The following ERAP2 variants were observed in gnomAD, a reference collection of about 807,000 sequenced individuals.
The protein encoded by ERAP2 is leukocyte-derived arginine aminopeptidase.
Under a neutral mutation model 111.1 loss-of-function variants are expected in ERAP2, and 118 were observed. The ratio of observed to expected loss-of-function variants is 1.06; its 90% CI spans 0.92 to 1.24. The LOEUF (loss-of-function observed/expected upper bound fraction) is 1.24. ERAP2 is among the 50% of genes most tolerant of loss of function. ERAP2 has a pLI of 0.00. For synonymous variants in ERAP2, 410 were observed against 401.2 expected, an observed-to-expected ratio of 1.02 and a Z score of -0.26; for missense variants, 1,131 against 1,125.8, an observed-to-expected ratio of 1.00 and a Z score of -0.07.
chr5:96,900,020 C>T, intron 9 of ERAP2, 101 bp from the exon 10 acceptor site: 1 of 1,339,274 alleles, frequency 7.5e-7, no homozygotes, highest in Non-Finnish European at 1.0e-6. Context: ...TGAATTATTT[C>T]ATATAGCTCT....
At chr5:96,897,999 C>A (rs1415411181) in intron 9 of ERAP2, among the ~76,000 whole-genome samples, 3 of 152,146 alleles carry the variant, frequency 2.0e-5, no homozygotes, top group Non-Finnish European at 2.9e-5. Flanking sequence ...GAGTTTGAGA[C>A]CAGCCTGGCC....
At chr5:96,902,522 G>T in intron 12 of ERAP2, 169 bp downstream of exon 12, 8 of 514,912 alleles carry the variant, frequency 1.6e-5, no homozygotes, top group East Asian at 6.3e-5. Context: ...AAGAAAATCT[G>T]GATTTTTCAT....
intron 7 of ERAP2, 92 bp downstream of exon 7, chr5:96,895,451 A>G (rs1397651897): frequency 2.2e-6 from 2 of 917,526 alleles, no homozygotes; most frequent in Non-Finnish European, 3.4e-6. Context: ...CAGAAAAACT[A>G]CATAATGTTG....
chr5:96,888,197 T>C (rs1417512223), intron 4 of ERAP2, among the ~76,000 whole-genome samples: 2 of 151,416 alleles, frequency 1.3e-5, no homozygotes, highest in African/African-American at 4.9e-5. Flanking sequence ...TCTATTACAA[T>C]TTACATATGT....
intron 5 of ERAP2, among the ~76,000 whole-genome samples, chr5:96,891,398 CACACACACATATACATAT>C (rs1784344349): frequency 1.4e-5 from 2 of 148,080 alleles, no homozygotes; most frequent in South Asian, 4.2e-4. Flanking sequence ...TGTATACATA[CACACACACATATACATAT>C]ACACACACAT....
At chr5:96,877,101 A>C (rs1782611336) in intron 1 of ERAP2, among the ~76,000 whole-genome samples, 2 of 152,126 alleles carry the variant, frequency 1.3e-5, no homozygotes, top group Admixed American at 6.5e-5. Context: ...CAGCCTCCCG[A>C]GTAGCTAGGA....
Position 96,917,774 on chromosome 5 carries a change from CAGGTGCCTGT to C in ERAP2, c.*172_*181del. 1 of 417,098 alleles carries C rather than the reference CAGGTGCCTGT, an allele frequency of 2.4e-6. No homozygotes were observed. Among genetic ancestry groups the C allele is most frequent in the Non-Finnish European group, 4.3e-6 (1 of 234,846 alleles). The allele number at this position is 417,098 out of a possible 1,614,324, so 25.8% of individuals were successfully genotyped here. On this transcript the variant is annotated 3_prime_UTR_variant, in exon 19 of 19. Coordinates refer to ENST00000437043, the MANE Select transcript of ERAP2 (RefSeq NM_022350.5). Reference sequence around the variant, plus strand: ...ACAAAAAATTAGCCGGGCATGGTGGCAGGTGCCTGTAGTCCCAGCTACTCGGCAGGCTGCA... The same window carrying C: ...ACAAAAAATTAGCCGGGCATGGTGGCAGTCCCAGCTACTCGGCAGGCTGCA...
rs902595529 is a variant in ERAP2, at chr5:96,908,947, G to A, written c.2013-14G>A. 4 of 1,609,096 alleles carry A rather than the reference G, an allele frequency of 2.5e-6. No homozygotes were observed. The African/African-American group carries it at 5.4e-5, about 22-fold the overall frequency. On this transcript the variant is annotated splice_polypyrimidine_tract_variant and intron_variant, in intron 13 of 18. Coordinates refer to ENST00000437043, the MANE Select transcript of ERAP2 (RefSeq NM_022350.5). ...AGATATGCACAAACCACTGACATTT[G>A]TTTTATACTTCAGTGCAGGGAGACT...
intron 3 of ERAP2, 139 bp downstream of exon 3, chr5:96,884,069 T>G (rs1783466795): frequency 1.6e-6 from 1 of 642,868 alleles, no homozygotes. Context: ...TATCTATCTA[T>G]CTATCTATCT....
chr5:96,915,606 A>G, intron 17 of ERAP2, 82 bp from the exon 18 acceptor site: 2 of 693,134 alleles, frequency 2.9e-6, no homozygotes. Context: ...TTATTAATAT[A>G]CATTAAAAAT....
chr5:96,887,106 C>CATAT lies in ERAP2; in HGVS notation c.849+318_849+319insTATA, dbSNP rs1468966867. On this transcript the variant is annotated intron_variant, in intron 4 of 18. Transcript: ENST00000437043. ...ATATATATATATATATATATACACA[C>CATAT]ACACACACACACACACACACATACA... Among the ~76,000 whole-genome samples the CATAT allele has an allele frequency of 2.8e-3, 96 of 34,812 alleles. 1 individual carries two copies. The highest frequency in any genetic ancestry group is 5.6e-3 in the African/African-American group (90 of 16,132). The allele number at this position is 34,812 out of a possible 152,430, so 22.8% of individuals were successfully genotyped here.
intron 3 of ERAP2, among the ~76,000 whole-genome samples, chr5:96,884,794 C>T (rs768827474): frequency 9.2e-5 from 14 of 152,152 alleles, no homozygotes; most frequent in Non-Finnish European, 1.5e-4. Flanking sequence ...CTCAGGGACC[C>T]TGCAGGGTCC....
At chr5:96,886,184 C>T (rs891721302) in intron 3 of ERAP2, among the ~76,000 whole-genome samples, 2 of 152,294 alleles carry the variant, frequency 1.3e-5, no homozygotes, top group African/African-American at 2.4e-5. Context: ...CTCACACCCA[C>T]ATAACAGGAT....
intron 16 of ERAP2, among the ~76,000 whole-genome samples, chr5:96,913,001 G>T (rs1468849756): frequency 1.3e-5 from 2 of 152,250 alleles, no homozygotes; most frequent in Non-Finnish European, 2.9e-5. Context: ...TCATATGATT[G>T]AGACTAGACA....
chr5:96,911,360 G>A (rs979354147), intron 15 of ERAP2, among the ~76,000 whole-genome samples: 1 of 152,036 alleles, frequency 6.6e-6, no homozygotes, highest in Non-Finnish European at 1.5e-5. Flanking sequence ...TTATTGATCC[G>A]TTGACATTTG....
Position 96,919,331 on chromosome 5 carries a change from AACTTTG to A in ERAP2, c.*1731_*1736del, listed in dbSNP as rs1191084302. Reference sequence around the variant, plus strand: ...GAATCTTTGAAGTATCTTTGACTCTAACTTTGACTTGGTGGTGGACCTTCCTTGGTT... The same window carrying A: ...GAATCTTTGAAGTATCTTTGACTCTAACTTGGTGGTGGACCTTCCTTGGTT... On this transcript the variant is annotated 3_prime_UTR_variant, in exon 19 of 19. Coordinates refer to ENST00000437043, the MANE Select transcript of ERAP2 (RefSeq NM_022350.5). 1 of 152,328 alleles carries A rather than the reference AACTTTG, an allele frequency of 6.6e-6. No homozygotes were observed. The highest frequency in any genetic ancestry group is 6.5e-5 in the Admixed American group (1 of 15,276). The allele number at this position is 152,328 out of a possible 1,614,324, so 9.4% of individuals were successfully genotyped here.
chr5:96,899,877 CTT>C (rs1282944590), intron 9 of ERAP2, among the ~76,000 whole-genome samples: 1 of 152,158 alleles, frequency 6.6e-6, no homozygotes, highest in Non-Finnish European at 1.5e-5. Context: ...CGGTTAATGA[CTT>C]TATTGAACTT....
rs994276286 is a variant in ERAP2, at chr5:96,916,247, CA to C, written c.2739+484del. Among the ~76,000 whole-genome samples the C allele has an allele frequency of 7.8e-3, 394 of 50,602 alleles. 6 individuals are homozygous for C. Among genetic ancestry groups the C allele is most frequent in the Admixed American group, 0.055 (335 of 6,104 alleles). 33.2% of individuals were successfully genotyped at this position (50,602 alleles called of 152,430 possible). A position where few individuals can be genotyped will look rare whatever the true frequency, so the allele number is the denominator to read the frequency against. ...AAAAAACAAAAAACAAAAACAAAAA[CA>C]AAAAACAACAGCAAAAAAAAGCCCC... On this transcript the variant is annotated intron_variant, in intron 18 of 18. Transcript: ENST00000437043.
Position 96,908,965 on chromosome 5 carries a change from G to T in ERAP2, c.2017G>T (p.Gly673Trp). The T allele has an allele frequency of 1.9e-6, 3 of 1,613,852 alleles. No homozygotes were observed. Among genetic ancestry groups the T allele is most frequent in the Middle Eastern group, 1.6e-4 (1 of 6,062 alleles). ...GACATTTGTTTTATACTTCAGTGCA[G>T]GGAGACTGACCCTAGACAAAGCTCT... ...IHDVFQLVGA[G>W]RLTLDKALDM... is the part of the protein sequence containing the mutation. Residue 673 changes from glycine to tryptophan, a missense_variant, in exon 14 of 19, where the codon GGG (glycine) becomes TGG (tryptophan). This residue lies in a region of ERAP2 where 847 missense variants were observed against 856.5 expected (regional missense o/e 0.99). Transcript: ENST00000437043.
Sources: allele counts gnomAD v4.1 joint callset (sites outside exome capture counted in the v4.1 genomes callset), GRCh38; gene constraint gnomAD v4.1.1; regional missense constraint gnomAD v4.1.1; transcripts MANE v1.5; gene names NCBI Gene and HGNC (gene_info 2026-07-23, HGNC 2026-07-21).